Variants in IFT81 observed in about 807,000 individuals in gnomAD.
The protein encoded by IFT81 is intraflagellar transport 81, also known as intraflagellar transport protein 81 homolog.
A neutral mutation model predicts 102.6 loss-of-function variants in IFT81; 72 were observed. That is an observed-to-expected ratio of 0.70 (90% CI 0.58 to 0.85). IFT81 has a LOEUF of 0.85. Among genes scored for constraint, IFT81 ranks in the 40% least tolerant of loss-of-function variants. The pLI, the probability that IFT81 is intolerant of heterozygous loss-of-function variation, is 0.00. For missense variants in IFT81, 723 were observed against 787.3 expected (o/e 0.92, Z 0.98); for synonymous variants, 237 against 242.7 (o/e 0.98, Z 0.22).
chr12:110,189,545 C>T (rs928580108), intron 12 of IFT81, among the ~76,000 whole-genome samples: 6 of 151,990 alleles, frequency 3.9e-5, no homozygotes, highest in African/African-American at 7.2e-5. Flanking sequence ...GACAAGGTTT[C>T]GCCATGTTGG....
intron 9 of IFT81, among the ~76,000 whole-genome samples, chr12:110,145,446 T>G (rs887381273): frequency 1.3e-5 from 2 of 151,518 alleles, no homozygotes; most frequent in African/African-American, 4.8e-5. Context: ...TTTTTTTGTT[T>G]TTTTTTTTTT....
intron 11 of IFT81, among the ~76,000 whole-genome samples, chr12:110,174,193 G>T (rs1440710046): frequency 6.7e-6 from 1 of 150,092 alleles, no homozygotes; most frequent in Non-Finnish European, 1.5e-5. Flanking sequence ...CAGGAGAATG[G>T]CGTGAACCCG....
rs192505200 is a variant in IFT81 at position 110,191,898 on chromosome 12, C to T, written c.1468-719C>T. ...TGTAAGACCCTGTTCAGGCCAGGCACGGTGGCTCACACCTGTAATCCCAGC... is the reference window on the plus strand; with the variant it reads ...TGTAAGACCCTGTTCAGGCCAGGCATGGTGGCTCACACCTGTAATCCCAGC... On this transcript the variant is annotated intron_variant, in intron 13 of 18. Coordinates refer to ENST00000242591, the MANE Select transcript of IFT81 (RefSeq NM_014055.4). Among the ~76,000 whole-genome samples, 273 of 152,052 alleles carry T rather than the reference C, an allele frequency of 1.8e-3. 1 individual carries two copies. The highest frequency in any genetic ancestry group is 6.2e-3 in the African/African-American group (259 of 41,506).
rs369905475 is a variant in IFT81, at chr12:110,136,825, G to T, written c.746G>T (p.Ser249Ile). ...RLQRVQNQLK[S>I]MRQAAADAKP... ...CAAAGAGTACAAAACCAGCTGAAAA[G>T]CATGCGCCAAGCTGCAGCAGATGCA... The change falls in exon 8 of 19, where the codon AGC becomes ATC. Residue 249 changes from serine to isoleucine, a missense_variant. Ser to Ile is a moderately radical substitution (Grantham distance 142, BLOSUM62 -2). Coordinates refer to ENST00000242591, the MANE Select transcript of IFT81 (RefSeq NM_014055.4). 79 of 1,612,630 alleles carry T rather than the reference G, an allele frequency of 4.9e-5. No individual in the cohort carries two copies. The highest frequency in any genetic ancestry group is 4.3e-5 in the Non-Finnish European group (51 of 1,179,020).
chr12:110,194,555 T>C (rs1487417628), intron 14 of IFT81, among the ~76,000 whole-genome samples: 2 of 152,262 alleles, frequency 1.3e-5, no homozygotes, highest in South Asian at 4.1e-4. Context: ...ATTATAGGCG[T>C]GAGCCACCAC....
At chr12:110,173,513 G>C (rs1370695216) in intron 11 of IFT81, among the ~76,000 whole-genome samples, 1 of 152,258 alleles carries the variant, frequency 6.6e-6, no homozygotes, top group African/African-American at 2.4e-5. Flanking sequence ...TGGTTTTGTG[G>C]AATAGAAAGC....
At chr12:110,137,327 G>A (rs1038337738) in intron 8 of IFT81, among the ~76,000 whole-genome samples, 20 of 152,020 alleles carry the variant, frequency 1.3e-4, no homozygotes, top group African/African-American at 4.6e-4. Context: ...GCGACAGAGC[G>A]AGACTCCATC....
intron 3 of IFT81, among the ~76,000 whole-genome samples, 192 bp from the exon 4 acceptor site, chr12:110,128,758 G>T (rs1258609577): frequency 1.6e-5 from 2 of 129,022 alleles, no homozygotes; most frequent in Non-Finnish European, 3.1e-5. Context: ...TTGTGCTCAA[G>T]CCTGGGCAAT....
chr12:110,213,277 T>G (rs1869700224), intron 18 of IFT81, among the ~76,000 whole-genome samples: 1 of 152,148 alleles, frequency 6.6e-6, no homozygotes, highest in Admixed American at 6.5e-5. Flanking sequence ...CCTTACAATT[T>G]ATTTGTTGAA....
At position 110,136,847 on chromosome 12, in the gene IFT81, T is replaced by C. The variant is rs1182626062; in HGVS notation, c.768T>C (p.Asp256=). 1.6e-5 allele frequency: 25 copies of C among 1,608,468 alleles called. No individual in the cohort carries two copies. The highest frequency in any genetic ancestry group is 2.0e-5 in the Non-Finnish European group (23 of 1,175,514). ...QLKSMRQAAA[D]AKPESLMKRL... ...AAAGCATGCGCCAAGCTGCAGCAGA[T>C]GCAAAGCCTGAAAGTAAGTGGAAAT... Residue 256 remains aspartate, a synonymous_variant, in exon 8 of 19, where the codon GAT becomes GAC. Coordinates refer to ENST00000242591, the MANE Select transcript of IFT81 (RefSeq NM_014055.4).
intron 18 of IFT81, among the ~76,000 whole-genome samples, chr12:110,211,170 G>C (rs891884353): frequency 6.9e-6 from 1 of 144,706 alleles, no homozygotes; most frequent in African/African-American, 2.6e-5. Flanking sequence ...TTCGTATTAG[G>C]CTTTCTTTTT....
At position 110,127,425 on chromosome 12, in the gene IFT81, GC is replaced by G; in HGVS notation, c.48del (p.Phe17LeufsTer7). The G allele has an allele frequency of 6.2e-7, 1 of 1,605,886 alleles. No individual in the cohort carries two copies. The highest frequency in any genetic ancestry group is 1.7e-5 in the Admixed American group (1 of 58,672). ...TCATTATGGACAGTCTCAATAAGGA[GC>G]CCTTTAGGAAGAACTATAATTTAAT... ...KFIMDSLNKE[P>X]FRKNYNLITF... is the part of the protein sequence containing the mutation. On this transcript the variant is annotated frameshift_variant, in exon 2 of 19. Coordinates refer to ENST00000242591, the MANE Select transcript of IFT81 (RefSeq NM_014055.4). LOFTEE classifies it high-confidence loss of function.
chr12:110,206,004 T>G (rs1868573847), intron 17 of IFT81, among the ~76,000 whole-genome samples: 1 of 152,200 alleles, frequency 6.6e-6, no homozygotes, highest in South Asian at 2.1e-4. Context: ...TTACAAAATG[T>G]TTTCATCATC....
At chr12:110,212,483 A>G (rs1185560205) in intron 18 of IFT81, among the ~76,000 whole-genome samples, 1 of 150,586 alleles carries the variant, frequency 6.6e-6, no homozygotes, top group Non-Finnish European at 1.5e-5. Flanking sequence ...GGTTGCAGTG[A>G]GCCAAGGTCA....
At chr12:110,212,345 G>C (rs1328574740) in intron 18 of IFT81, among the ~76,000 whole-genome samples, 1 of 151,748 alleles carries the variant, frequency 6.6e-6, no homozygotes, top group Admixed American at 6.6e-5. Flanking sequence ...AGGAGTTTGA[G>C]ACCAGTCTGG....
chr12:110,129,965 G>T (rs1894066427), intron 4 of IFT81, among the ~76,000 whole-genome samples: 1 of 152,006 alleles, frequency 6.6e-6, no homozygotes. Context: ...TAAATTCTGA[G>T]GCCCATAGAG....
intron 10 of IFT81, among the ~76,000 whole-genome samples, chr12:110,157,646 C>T (rs144125307): frequency 6.8e-4 from 104 of 152,256 alleles, no homozygotes; most frequent in African/African-American, 2.4e-3. Flanking sequence ...TTCTGGGACT[C>T]CCACAGTGCA....
chr12:110,188,924 G>A (rs940790351), intron 12 of IFT81, among the ~76,000 whole-genome samples: 9 of 149,700 alleles, frequency 6.0e-5, no homozygotes, highest in Admixed American at 2.7e-4. Context: ...GCAAGACTCC[G>A]TCTCAAAAAA....
chr12:110,212,182 A>G (rs1288454374), intron 18 of IFT81, among the ~76,000 whole-genome samples: 2 of 152,074 alleles, frequency 1.3e-5, no homozygotes, highest in African/African-American at 4.8e-5. Context: ...AACTTAAGAA[A>G]ACAAATGGTA....
Sources: allele counts gnomAD v4.1 joint callset (sites outside exome capture counted in the v4.1 genomes callset), GRCh38; gene constraint gnomAD v4.1.1; transcripts MANE v1.5; gene names NCBI Gene and HGNC (gene_info 2026-07-23, HGNC 2026-07-21).